The following ZNF831 variants were observed in gnomAD, a reference collection of about 807,000 sequenced individuals.
ZNF831 encodes chromosome 20 open reading frame 174.
In ZNF831, 59 loss-of-function variants were observed where a neutral mutation model predicts 95.8. That is an observed-to-expected ratio of 0.62 (90% CI 0.50 to 0.77). The LOEUF is 0.77. ZNF831 is among the 30% of genes least tolerant of loss of function. The pLI is 0.00. For missense variants in ZNF831, 2,205 were observed against 2,164.0 expected, an observed-to-expected ratio of 1.02 and a Z score of -0.38; for synonymous variants, 961 against 925.5, an observed-to-expected ratio of 1.04 and a Z score of -0.70.
chr20:59,135,263 C>T (rs1416433194), intron 1 of ZNF831, among the ~76,000 whole-genome samples: 1 of 152,182 alleles, frequency 6.6e-6, no homozygotes, highest in Non-Finnish European at 1.5e-5. Flanking sequence ...CAGCTGGTTC[C>T]CTGCTCTGAG....
intron 3 of ZNF831, among the ~76,000 whole-genome samples, chr20:59,206,656 A>G (rs1054947153): frequency 3.9e-5 from 6 of 152,214 alleles, no homozygotes; most frequent in African/African-American, 1.4e-4. Context: ...AGCCCTTGCT[A>G]TGACTAAGCA....
At chr20:59,131,288 C>G (rs1979345545) in intron 1 of ZNF831, among the ~76,000 whole-genome samples, 1 of 152,222 alleles carries the variant, frequency 6.6e-6, no homozygotes, top group South Asian at 2.1e-4. Context: ...AGCTCACATT[C>G]TGATGTCCTC....
At position 59,144,530 on chromosome 20, in the gene ZNF831, GA is replaced by G. The variant is rs11292884; in HGVS notation, c.-1424-1692del. On this transcript the variant is annotated intron_variant, in intron 1 of 7. Transcript: ENST00000637017. ...GACATTACCCAATGTCCCCAGAGGG[GA>G]AAAAAAAATCACTGTTGGTTGAGAA... Among the ~76,000 whole-genome samples the G allele has an allele frequency of 9.7e-3, 1,472 of 151,426 alleles. 16 individuals carry two copies. Among genetic ancestry groups the G allele is most frequent in the African/African-American group, 0.033 (1,362 of 41,322 alleles).
chr20:59,151,609 A>G (rs920177619), intron 2 of ZNF831, among the ~76,000 whole-genome samples: 1 of 152,198 alleles, frequency 6.6e-6, no homozygotes, highest in East Asian at 1.9e-4. Context: ...GGTCAGGTGA[A>G]TCGCTGCCAG....
intron 1 of ZNF831, among the ~76,000 whole-genome samples, chr20:59,176,014 C>A (rs1300842732): frequency 6.6e-6 from 1 of 152,214 alleles, no homozygotes; most frequent in Non-Finnish European, 1.5e-5. Context: ...TGGCTTTCTG[C>A]CAGGCCTTTA....
chr20:59,192,045 C>A lies in ZNF831; in HGVS notation c.1026C>A (p.Thr342=), dbSNP rs939365835. 3 of 1,608,530 alleles carry A rather than the reference C, an allele frequency of 1.9e-6. No homozygotes were observed. The highest frequency in any genetic ancestry group is 2.5e-6 in the Non-Finnish European group (3 of 1,179,226). ...PEGRLRKCES[T]DSGYLSRSDS... is the part of the protein sequence containing the mutation. The stretch of plus-strand genomic sequence containing the variant: ...GCCGGCTGCGGAAGTGTGAGAGCAC[C>A]GACTCGGGGTACCTGTCGCGCTCCG... The change falls in exon 2 of 6, where the codon ACC becomes ACA. Residue 342 remains threonine (T), a synonymous_variant. Transcript: ENST00000371030. The surrounding 1 kb of genome is among the most constrained non-coding windows in gnomAD (Gnocchi z 5.2).
At chr20:59,199,454 T>G (rs1984376586) in intron 3 of ZNF831, among the ~76,000 whole-genome samples, 1 of 152,176 alleles carries the variant, frequency 6.6e-6, no homozygotes, top group African/African-American at 2.4e-5. Context: ...GTCTTTAAAG[T>G]ACACATAAAA....
At chr20:59,225,076 A>G (rs928968697) in intron 4 of ZNF831, among the ~76,000 whole-genome samples, 2 of 151,952 alleles carry the variant, frequency 1.3e-5, no homozygotes, top group Admixed American at 6.6e-5. Flanking sequence ...ATTGTGTTTA[A>G]TTTCAATTAA....
At chr20:59,207,492 G>A (rs940930029) in intron 4 of ZNF831, among the ~76,000 whole-genome samples, 3 of 152,228 alleles carry the variant, frequency 2.0e-5, no homozygotes, top group Admixed American at 6.5e-5. Context: ...ATAGAAAGAT[G>A]AGTAGTTATG....
chr20:59,147,405 CAT>C (rs2146450497), intron 2 of ZNF831, among the ~76,000 whole-genome samples: 1 of 152,354 alleles, frequency 6.6e-6, no homozygotes, highest in African/African-American at 2.4e-5. Context: ...CTGACACAAA[CAT>C]GTGTCCAGAA....
chr20:59,193,079 G>A lies in ZNF831; in HGVS notation c.2060G>A (p.Gly687Glu), dbSNP rs2146576792. Residue 687 changes from glycine (G) to glutamate (E), a missense_variant, in exon 2 of 6, where the codon GGG becomes GAG. Transcript: ENST00000371030. ...CCTGTCCATGAGGACATATCCGCAG[G>A]GGCAACGCCAGAGCCTTGGGGAAAT... is the stretch of plus-strand genomic sequence containing the variant. ...RTPVHEDISA[G>E]ATPEPWGNPP... is the part of the protein sequence containing the mutation. 6.3e-7 allele frequency: 1 copy of A among 1,595,730 alleles called. No individual in the cohort carries two copies. Among genetic ancestry groups the A allele is most frequent in the Non-Finnish European group, 8.5e-7 (1 of 1,171,014 alleles).
intron 3 of ZNF831, among the ~76,000 whole-genome samples, chr20:59,203,433 C>T (rs1054740635): frequency 1.3e-5 from 2 of 152,180 alleles, no homozygotes; most frequent in Non-Finnish European, 2.9e-5. Context: ...CTTCCTGCCT[C>T]AGCTTCTGGA....
chr20:59,131,770 C>T (rs982213458), intron 1 of ZNF831, among the ~76,000 whole-genome samples: 2 of 152,150 alleles, frequency 1.3e-5, no homozygotes, highest in African/African-American at 2.4e-5. Context: ...TGGCAGGGAC[C>T]GCCTTGTGAG....
chr20:59,195,479 G>T lies in ZNF831; in HGVS notation c.3739-390G>T, dbSNP rs183969056. Reference sequence around the variant, plus strand: ...CTTGCAGGCTGTTCGGCTTTCCCTAGGTGGAACCCAAAGTTGTGGGGAGTG... The same window carrying T: ...CTTGCAGGCTGTTCGGCTTTCCCTATGTGGAACCCAAAGTTGTGGGGAGTG... On this transcript the variant is annotated intron_variant, in intron 2 of 5. Transcript: ENST00000371030. Among the ~76,000 whole-genome samples the T allele has an allele frequency of 7.9e-5, 12 of 152,282 alleles. No individual in the cohort carries two copies. In the East Asian group the frequency reaches 1.4e-3, roughly 17 times the overall value.
intron 1 of ZNF831, among the ~76,000 whole-genome samples, chr20:59,181,133 G>A (rs1982584015): frequency 6.6e-6 from 1 of 152,214 alleles, no homozygotes; most frequent in Non-Finnish European, 1.5e-5. Flanking sequence ...CAGTGATGAT[G>A]ATCTTTTTTT....
At chr20:59,163,014 G>GGTGTGTGT (rs58451639), upstream of ZNF831, among the ~76,000 whole-genome samples, 296 of 136,526 alleles carry the variant, frequency 2.2e-3, no homozygotes, top group African/African-American at 2.8e-3. Context: ...TGTATTCCTA[G>GGTGTGTGT]GTGTGTGTGT....
rs1296263451 is a variant in ZNF831, at chr20:59,192,852, G to A, written c.1833G>A (p.Arg611=). Residue 611 remains arginine (R), a synonymous_variant, in exon 2 of 6, where the codon AGG becomes AGA. Transcript: ENST00000371030. The surrounding 1 kb of genome is among the most constrained non-coding windows in gnomAD (Gnocchi z 5.2). ...GCGGCAGGAAGTGCGGCCAGAGAAG[G>A]CTGAAGATGTTCTCCCAGGAGAAGT... ...RAGGRKCGQR[R]LKMFSQEKWQ... 2 of 1,603,662 alleles carry A rather than the reference G, an allele frequency of 1.2e-6. No homozygotes were observed. The highest frequency in any genetic ancestry group is 1.7e-6 in the Non-Finnish European group (2 of 1,175,264).
intron 1 of ZNF831, among the ~76,000 whole-genome samples, chr20:59,145,882 C>T (rs1217608195): frequency 6.6e-6 from 1 of 152,202 alleles, no homozygotes; most frequent in Non-Finnish European, 1.5e-5. Context: ...CCTCACCCTC[C>T]TCCTCCTCAA....
chr20:59,167,436 A>G (rs1209935326), intron 1 of ZNF831, among the ~76,000 whole-genome samples: 2 of 152,108 alleles, frequency 1.3e-5, no homozygotes, highest in Admixed American at 1.3e-4. Context: ...AGCAAAAAAA[A>G]AAAAATTAAC....
Sources: allele counts gnomAD v4.1 joint callset (sites outside exome capture counted in the v4.1 genomes callset), GRCh38; gene constraint gnomAD v4.1.1; non-coding constraint Gnocchi (gnomAD v3.1); transcripts MANE v1.5; gene names NCBI Gene and HGNC (gene_info 2026-07-23, HGNC 2026-07-21).